Variants in MACROD2 observed in about 807,000 individuals in gnomAD.
MACROD2 encodes ADP-ribose glycohydrolase MACROD2.
In MACROD2, 36 loss-of-function variants were observed where a neutral mutation model predicts 70.4. The ratio of observed to expected loss-of-function variants is 0.51; its 90% CI spans 0.39 to 0.68. The LOEUF is 0.68. Ranked by LOEUF, MACROD2 falls within the 30% of genes least tolerant of loss-of-function variation. The pLI is 0.00. For missense variants in MACROD2, 496 were observed against 538.4 expected, an observed-to-expected ratio of 0.92 and a Z score of 0.78; for synonymous variants, 172 against 178.8, an observed-to-expected ratio of 0.96 and a Z score of 0.30.
chr20:15,763,321 G>A (rs1416883388), intron 8 of MACROD2, among the ~76,000 whole-genome samples: 2 of 152,196 alleles, frequency 1.3e-5, no homozygotes, highest in Non-Finnish European at 2.9e-5. Flanking sequence ...TCAGCAGTGA[G>A]TTGAATTGGG....
intron 7 of MACROD2, among the ~76,000 whole-genome samples, chr20:15,439,217 G>A (rs2046464730): frequency 1.3e-5 from 2 of 152,080 alleles, no homozygotes; most frequent in South Asian, 2.1e-4. Context: ...ATGTACCCCA[G>A]ACCCAGCCCA....
chr20:14,676,621 T>C (rs2070864885), intron 4 of MACROD2, among the ~76,000 whole-genome samples: 1 of 152,016 alleles, frequency 6.6e-6, no homozygotes, highest in South Asian at 2.1e-4. Context: ...GTGTGAAAGA[T>C]CTAAAATCGA....
intron 8 of MACROD2, among the ~76,000 whole-genome samples, chr20:15,860,389 G>T (rs2064409413): frequency 6.6e-6 from 1 of 152,034 alleles, no homozygotes; most frequent in South Asian, 2.1e-4. Flanking sequence ...TTTTTGATCG[G>T]TTGGTTGACT....
At chr20:15,136,201 G>GA (rs1568594026) in intron 5 of MACROD2, among the ~76,000 whole-genome samples, 4 of 146,054 alleles carry the variant, frequency 2.7e-5, no homozygotes, top group Admixed American at 2.1e-4. Flanking sequence ...CACAGAATTG[G>GA]AAAAAACTAC....
chr20:14,722,467 C>T (rs1054874196), intron 5 of MACROD2, among the ~76,000 whole-genome samples: 6 of 152,268 alleles, frequency 3.9e-5, no homozygotes, highest in Middle Eastern at 6.8e-3. Context: ...TTTTTCTTTC[C>T]CCCTGTACTT....
intron 6 of MACROD2, among the ~76,000 whole-genome samples, chr20:15,415,569 A>T (rs2046136192): frequency 6.6e-6 from 1 of 152,244 alleles, no homozygotes; most frequent in African/African-American, 2.4e-5. Context: ...ACAATCTGCT[A>T]TGGATAATTT....
chr20:14,674,180 G>A lies in MACROD2; in HGVS notation c.302-10663G>A, dbSNP rs538866348. ...TCTGCCCTATTCATTTGGGTCCCAAGGAAAGAGACTATGGTTTATATTTCC... is the reference window on the plus strand; with the variant it reads ...TCTGCCCTATTCATTTGGGTCCCAAAGAAAGAGACTATGGTTTATATTTCC... On this transcript the variant is annotated intron_variant, in intron 4 of 17. Coordinates refer to ENST00000684519, the MANE Select transcript of MACROD2 (RefSeq NM_001351661.2). Among the ~76,000 whole-genome samples, 3 of 152,168 alleles carry A rather than the reference G, an allele frequency of 2.0e-5. No individual in the cohort carries two copies. In the South Asian group the frequency reaches 6.2e-4, roughly 32 times the overall value.
At chr20:14,737,029 C>G (rs983825248) in intron 5 of MACROD2, among the ~76,000 whole-genome samples, 1 of 151,964 alleles carries the variant, frequency 6.6e-6, no homozygotes, top group Non-Finnish European at 1.5e-5. Context: ...TAGGTATACA[C>G]ATGCCATGGT....
intron 5 of MACROD2, among the ~76,000 whole-genome samples, chr20:14,721,777 T>G (rs1198619449): frequency 6.6e-6 from 1 of 152,184 alleles, no homozygotes; most frequent in African/African-American, 2.4e-5. Context: ...CTTCCCAACC[T>G]CATGAATCAT....
chr20:14,811,319 C>G (rs1398892658), intron 5 of MACROD2, among the ~76,000 whole-genome samples: 2 of 152,038 alleles, frequency 1.3e-5, no homozygotes, highest in African/African-American at 4.8e-5. Context: ...ACAAACCTCA[C>G]AAAAACAAGC....
intron 8 of MACROD2, among the ~76,000 whole-genome samples, chr20:15,642,220 G>C (rs1331154824): frequency 6.6e-6 from 1 of 152,164 alleles, no homozygotes; most frequent in Non-Finnish European, 1.5e-5. Flanking sequence ...CTAGACAATG[G>C]AGGGGATTGT....
intron 5 of MACROD2, among the ~76,000 whole-genome samples, chr20:14,958,563 C>T (rs1282091623): frequency 6.6e-6 from 1 of 152,192 alleles, no homozygotes; most frequent in Admixed American, 6.5e-5. Flanking sequence ...TTCTTTGGCA[C>T]TGCATTCACC....
At chr20:14,590,673 T>A (rs1807484456) in intron 4 of MACROD2, among the ~76,000 whole-genome samples, 1 of 152,194 alleles carries the variant, frequency 6.6e-6, no homozygotes, top group Non-Finnish European at 1.5e-5. Context: ...TGACCCTGCT[T>A]GCCCAGTTTT....
chr20:15,794,856 G>T (rs531071798), intron 8 of MACROD2, among the ~76,000 whole-genome samples: 1 of 152,090 alleles, frequency 6.6e-6, no homozygotes, highest in Non-Finnish European at 1.5e-5. Flanking sequence ...TGCCACTAAC[G>T]CCTGATTAGC....
At position 14,123,419 on chromosome 20, in the gene MACROD2, A is replaced by G. The variant is rs543476124; in HGVS notation, c.271+37691A>G. On this transcript the variant is annotated intron_variant, in intron 3 of 17. Transcript: ENST00000684519. ...AAATGCTCCTTGCTGAAGGAGCCTC[A>G]CCTTCATCAGCACTGCAGCATCCAT... is the stretch of plus-strand genomic sequence containing the variant. 3.0e-3 allele frequency among the ~76,000 whole-genome samples: 452 copies of G among 152,226 alleles called. 2 individuals carry two copies. The highest frequency in any genetic ancestry group is 0.01 in the African/African-American group (426 of 41,556).
intron 3 of MACROD2, among the ~76,000 whole-genome samples, chr20:14,487,969 G>A (rs1254001460): frequency 6.6e-6 from 1 of 152,116 alleles, no homozygotes; most frequent in Non-Finnish European, 1.5e-5. Context: ...TGAAATACTG[G>A]AACTAGGTAA....
At chr20:14,211,847 G>C (rs184153841) in intron 3 of MACROD2, among the ~76,000 whole-genome samples, 34 of 152,208 alleles carry the variant, frequency 2.2e-4, no homozygotes, top group Admixed American at 9.2e-4. Flanking sequence ...ATGACCCAGA[G>C]GTGGTAATAG....
In MACROD2 at chr20:15,285,642, AT is replaced by A. The variant is rs549296720; in HGVS notation, c.540+55582del. 4.9e-4 allele frequency among the ~76,000 whole-genome samples: 74 copies of A among 152,334 alleles called. 2 individuals are homozygous for A. The highest frequency in any genetic ancestry group is 1.3e-4 in the Non-Finnish European group (9 of 68,016). On this transcript the variant is annotated intron_variant, in intron 6 of 17. Transcript: ENST00000684519. ...TTCTCTAGAACTCATGGGAGGGTAC[AT>A]ATTAAACCTCATTAACACATCATGA...
chr20:14,299,519 C>G (rs1432695009), intron 3 of MACROD2, among the ~76,000 whole-genome samples: 1 of 152,066 alleles, frequency 6.6e-6, no homozygotes, highest in Non-Finnish European at 1.5e-5. Flanking sequence ...TGTGAAGATG[C>G]TGTGAACATT....
Sources: gnomAD v4.1 joint callset for allele counts (sites outside exome capture counted in the v4.1 genomes callset) on GRCh38, gnomAD v4.1.1 for gene constraint, MANE v1.5 for transcripts, NCBI Gene and HGNC (gene_info 2026-07-23, HGNC 2026-07-21) for gene names.